The following KMT2E variants were observed in gnomAD, a reference collection of about 807,000 sequenced individuals.
KMT2E encodes histone reader KMT2E.
Under a neutral mutation model 184.6 loss-of-function variants are expected in KMT2E, and 30 were observed. The ratio of observed to expected loss-of-function variants is 0.16; its 90% CI spans 0.12 to 0.22. KMT2E has a LOEUF of 0.22. Among genes scored for constraint, KMT2E ranks in the 10% least tolerant of loss-of-function variants. KMT2E has a pLI of 1.00. For synonymous variants in KMT2E, 815 were observed against 776.5 expected, an observed-to-expected ratio of 1.05 and a Z score of -0.82; for missense variants, 2,023 against 2,237.4, an observed-to-expected ratio of 0.90 and a Z score of 1.93.
At chr7:105,021,341 A>T (rs968962177) in intron 1 of KMT2E, among the ~76,000 whole-genome samples, 3 of 152,234 alleles carry the variant, frequency 2.0e-5, no homozygotes, top group African/African-American at 7.2e-5. Context: ...GCACAGACAA[A>T]AGATGAATTT....
At chr7:105,092,752 A>C (rs575148003) in intron 15 of KMT2E, among the ~76,000 whole-genome samples, 7 of 152,214 alleles carry the variant, frequency 4.6e-5, no homozygotes, top group African/African-American at 1.7e-4. Context: ...TTTATTCTTC[A>C]ACTGACACAG....
chr7:105,068,392 T>C (rs1797131763), intron 6 of KMT2E, among the ~76,000 whole-genome samples: 1 of 152,168 alleles, frequency 6.6e-6, no homozygotes, highest in Admixed American at 6.5e-5. Flanking sequence ...GGGTTGCAAA[T>C]TAGTGATATG....
At chr7:105,078,808 TA>T in intron 11 of KMT2E, 37 bp from the exon 12 acceptor site, 1 of 1,242,026 alleles carries the variant, frequency 8.1e-7, no homozygotes, top group Non-Finnish European at 1.2e-6. Context: ...ATGCCCGGCC[TA>T]AAATGTTAAT....
chr7:105,099,284 A>C (rs759030079), intron 15 of KMT2E, among the ~76,000 whole-genome samples: 2 of 152,216 alleles, frequency 1.3e-5, no homozygotes, highest in Non-Finnish European at 2.9e-5. Flanking sequence ...AATTGGAAAG[A>C]AGAGTAATAC....
chr7:105,082,048 A>G lies in KMT2E; in HGVS notation c.1358+251A>G, dbSNP rs1411441713. ...TAATTATAACAAGTAACCCTAATTC[A>G]GCCATACAACACTGACCTTGTTTAT... On this transcript the variant is annotated intron_variant, in intron 13 of 26. Transcript: ENST00000311117. 3.3e-5 allele frequency among the ~76,000 whole-genome samples: 5 copies of G among 152,204 alleles called. No individual in the cohort carries two copies. In the East Asian group the frequency reaches 9.6e-4, roughly 29 times the overall value.
At chr7:105,100,917 G>C (rs1311293418) in intron 15 of KMT2E, among the ~76,000 whole-genome samples, 3 of 152,018 alleles carry the variant, frequency 2.0e-5, no homozygotes, top group Non-Finnish European at 4.4e-5. Flanking sequence ...AGGTTAACTT[G>C]CCTGGAGTCA....
chr7:105,072,084 C>T (rs1394941786), intron 6 of KMT2E, among the ~76,000 whole-genome samples: 6 of 151,554 alleles, frequency 4.0e-5, no homozygotes, highest in East Asian at 2.0e-4. Context: ...GAGGCCCAGG[C>T]GGGTGGATCA....
intron 13 of KMT2E, among the ~76,000 whole-genome samples, chr7:105,084,973 T>C (rs1797902883): frequency 6.6e-6 from 1 of 152,214 alleles, no homozygotes; most frequent in Non-Finnish European, 1.5e-5. Flanking sequence ...AATTTGTGTA[T>C]ATTTTATGGT....
At chr7:105,055,475 C>T (rs923823679) in intron 3 of KMT2E, among the ~76,000 whole-genome samples, 1 of 152,018 alleles carries the variant, frequency 6.6e-6, no homozygotes, top group Non-Finnish European at 1.5e-5. Context: ...TTTAACTGTT[C>T]TGAATTTTAG....
At chr7:105,058,898 A>G (rs1475427368) in intron 3 of KMT2E, among the ~76,000 whole-genome samples, 1 of 152,194 alleles carries the variant, frequency 6.6e-6, no homozygotes, top group South Asian at 2.1e-4. Flanking sequence ...TTTAGAACAT[A>G]TACATACTTC....
intron 1 of KMT2E, among the ~76,000 whole-genome samples, chr7:105,026,848 G>A (rs79625666): frequency 0.015 from 2,221 of 152,094 alleles, 49 homozygotes; most frequent in African/African-American, 0.049. Flanking sequence ...AGATTTTGTC[G>A]ACATAGCTTA....
At chr7:105,043,256 A>G (rs190824883) in intron 3 of KMT2E, among the ~76,000 whole-genome samples, 41 of 122,912 alleles carry the variant, frequency 3.3e-4, no homozygotes, top group African/African-American at 1.2e-3. Context: ...TTTTTTTTTG[A>G]GACGGAGTCT....
At chr7:105,087,088 T>C (rs1240803696) in intron 13 of KMT2E, among the ~76,000 whole-genome samples, 1 of 147,218 alleles carries the variant, frequency 6.8e-6, no homozygotes, top group Non-Finnish European at 1.5e-5. Context: ...ATATATAGCG[T>C]ATGTAATATA....
chr7:105,055,570 T>G (rs1796544538), intron 3 of KMT2E, among the ~76,000 whole-genome samples: 1 of 152,236 alleles, frequency 6.6e-6, no homozygotes, highest in African/African-American at 2.4e-5. Context: ...CTAAGCTCAA[T>G]CTTTAAACAT....
intron 1 of KMT2E, among the ~76,000 whole-genome samples, chr7:105,035,010 C>G (rs1486412049): frequency 6.6e-6 from 1 of 151,156 alleles, no homozygotes. Context: ...TGCCCACCAC[C>G]ACACCTGGCT....
rs1224881584 is a variant in KMT2E at position 105,113,176 on chromosome 7, C to G, written c.5420C>G (p.Thr1807Ser). Residue 1807 changes from threonine to serine, a missense_variant, in exon 27 of 27, where the codon ACT (threonine) becomes AGT (serine). Physicochemically the swap from Thr to Ser is moderately conservative, Grantham distance 58. Transcript: ENST00000311117. ...GGACCAAACAGTATTCCAACACCTACTGCTTCAGGGTTCTGTCCTCATCCT... is the reference window on the plus strand; with the variant it reads ...GGACCAAACAGTATTCCAACACCTAGTGCTTCAGGGTTCTGTCCTCATCCT... ...PQGPNSIPTPTASGFCPHPGS... is the reference protein window; with the variant it reads ...PQGPNSIPTPSASGFCPHPGS... The G allele has an allele frequency of 6.2e-7, 1 of 1,614,092 alleles. No homozygotes were observed. The highest frequency in any genetic ancestry group is 8.5e-7 in the Non-Finnish European group (1 of 1,180,042).
At chr7:105,026,748 A>G (rs1795192087) in intron 1 of KMT2E, among the ~76,000 whole-genome samples, 1 of 152,198 alleles carries the variant, frequency 6.6e-6, no homozygotes. Flanking sequence ...ATGCTGTTTT[A>G]TTGTGTGATT....
At chr7:105,084,102 C>G (rs1194487228) in intron 13 of KMT2E, among the ~76,000 whole-genome samples, 1 of 152,148 alleles carries the variant, frequency 6.6e-6, no homozygotes, top group Non-Finnish European at 1.5e-5. Context: ...TTCTGCGGCC[C>G]AGCTGCGGTG....
rs781033146 is a variant in KMT2E, at chr7:105,112,352, T to A, written c.4596T>A (p.Ser1532Arg). 1.4e-5 allele frequency: 22 copies of A among 1,613,224 alleles called. No individual in the cohort carries two copies. Among genetic ancestry groups the A allele is most frequent in the Non-Finnish European group, 4.2e-6 (5 of 1,180,024 alleles). ...TPSGQSSATY[S>R]QFNQQSLNST... is the part of the protein sequence containing the mutation. ...CAGGACAATCTTCAGCAACATACAG[T>A]CAGTTTAACCAACAAAGTCTGAACA... The change falls in exon 27 of 27, where the codon AGT (serine) becomes AGA (arginine). Residue 1532 changes from serine to arginine, a missense_variant. Around this residue, in one of 8 missense-constraint regions of KMT2E, gnomAD observed 1,108 missense variants for 1,050.9 expected, o/e 1.05. Coordinates refer to ENST00000311117, the MANE Select transcript of KMT2E (RefSeq NM_182931.3).
Sources: allele counts gnomAD v4.1 joint callset (sites outside exome capture counted in the v4.1 genomes callset), GRCh38; gene constraint gnomAD v4.1.1; regional missense constraint gnomAD v4.1.1; transcripts MANE v1.5; gene names NCBI Gene and HGNC (gene_info 2026-07-23, HGNC 2026-07-21).